Variants in PLXDC2 observed in about 807,000 individuals in gnomAD.
PLXDC2 encodes the protein plexin domain containing 2.
Under a neutral mutation model 68.9 loss-of-function variants are expected in PLXDC2, and 40 were observed. That is an observed-to-expected ratio of 0.58 (90% CI 0.45 to 0.76). The LOEUF is 0.76. Ranked by LOEUF, PLXDC2 falls within the 30% of genes least tolerant of loss-of-function variation. The pLI is 0.00. For missense variants in PLXDC2, 644 were observed against 661.9 expected, an observed-to-expected ratio of 0.97 and a Z score of 0.30; for synonymous variants, 243 against 234.2, an observed-to-expected ratio of 1.04 and a Z score of -0.34.
At chr10:20,203,785 C>T (rs61854642) in intron 9 of PLXDC2, among the ~76,000 whole-genome samples, 12,468 of 152,236 alleles carry the variant, frequency 0.082, 688 homozygotes, top group Middle Eastern at 0.15. Context: ...GCCACGTGTA[C>T]GGATGACTAC....
chr10:19,966,393 T>TAAAATATATATGTGCACATATATAA lies in PLXDC2; in HGVS notation c.113-35357_113-35333dup, dbSNP rs1554849275. 3.4e-3 allele frequency among the ~76,000 whole-genome samples: 221 copies of TAAAATATATATGTGCACATATATAA among 65,730 alleles called. 5 individuals carry two copies. Among genetic ancestry groups the TAAAATATATATGTGCACATATATAA allele is most frequent in the Middle Eastern group, 0.012 (1 of 82 alleles). 43.1% of individuals were successfully genotyped at this position (65,730 alleles called of 152,430 possible). The stretch of plus-strand genomic sequence containing the variant: ...TAAAAAATATATATGTGCACATATA[T>TAAAATATATATGTGCACATATATAA]AAAATATATATGTGCACATATATAA... On this transcript the variant is annotated intron_variant, in intron 1 of 13. Transcript: ENST00000377252.
intron 1 of PLXDC2, among the ~76,000 whole-genome samples, chr10:19,865,476 A>G (rs1326584417): frequency 1.3e-5 from 2 of 152,188 alleles, no homozygotes; most frequent in Non-Finnish European, 2.9e-5. Flanking sequence ...CATTACTGGT[A>G]TGAATGGATG....
chr10:19,824,908 C>T (rs1277747649), intron 1 of PLXDC2, among the ~76,000 whole-genome samples: 3 of 152,066 alleles, frequency 2.0e-5, no homozygotes, highest in Non-Finnish European at 4.4e-5. Context: ...TTGTCAGGGG[C>T]CTGTTTGGAA....
chr10:20,064,275 C>A (rs1333348753), intron 3 of PLXDC2, among the ~76,000 whole-genome samples: 1 of 149,864 alleles, frequency 6.7e-6, no homozygotes. Flanking sequence ...GGCTGGAGTG[C>A]AGTGGTGTGA....
intron 7 of PLXDC2, among the ~76,000 whole-genome samples, chr10:20,172,386 G>A (rs1589664546): frequency 6.6e-6 from 1 of 152,112 alleles, no homozygotes; most frequent in Admixed American, 6.6e-5. Flanking sequence ...CCGTGATATT[G>A]TCACAGGCCC....
chr10:19,929,776 C>T (rs1833596048), intron 1 of PLXDC2, among the ~76,000 whole-genome samples: 1 of 152,132 alleles, frequency 6.6e-6, no homozygotes, highest in African/African-American at 2.4e-5. Flanking sequence ...GTTGCATGTC[C>T]CAAGGTAAAG....
chr10:19,945,332 G>T (rs903994845), intron 1 of PLXDC2, among the ~76,000 whole-genome samples: 3 of 152,098 alleles, frequency 2.0e-5, no homozygotes, highest in African/African-American at 7.2e-5. Context: ...TTTAACAAGG[G>T]AGTCCCTTGA....
chr10:20,046,875 A>G lies in PLXDC2; in HGVS notation c.331A>G (p.Thr111Ala), dbSNP rs749590025. ...TTATTATCTATTATTGCAGGAGGAT[A>G]CAGACCACAATTACTATATATCTCG... Reference protein sequence around the residue: ...QDNNTQIEEDTDHNYYISRIY... With the variant: ...QDNNTQIEEDADHNYYISRIY... Residue 111 changes from threonine (T) to alanine (A), a missense_variant, in exon 3 of 14, where the codon ACA becomes GCA. Physicochemically the swap from Thr to Ala is moderately conservative, Grantham distance 58 (BLOSUM62 0). Transcript: ENST00000377252. 2.1e-5 allele frequency: 33 copies of G among 1,608,476 alleles called. No individual in the cohort carries two copies. The Admixed American group carries it at 4.2e-4, about 21-fold the overall frequency.
At chr10:20,046,444 G>C (rs1052676525) in intron 2 of PLXDC2, among the ~76,000 whole-genome samples, 4 of 151,954 alleles carry the variant, frequency 2.6e-5, no homozygotes, top group Non-Finnish European at 5.9e-5. Flanking sequence ...ATTTCTTTTA[G>C]TCACAAGGCA....
At chr10:20,064,224 CT>C (rs368874136) in intron 3 of PLXDC2, among the ~76,000 whole-genome samples, 19,842 of 138,488 alleles carry the variant, frequency 0.14, 1,295 homozygotes, top group South Asian at 0.29. Context: ...CATTTCTTTT[CT>C]TTTTTTTTTT....
intron 9 of PLXDC2, among the ~76,000 whole-genome samples, chr10:20,200,552 G>A (rs986230797): frequency 3.3e-5 from 5 of 151,486 alleles, no homozygotes; most frequent in East Asian, 1.9e-4. Context: ...TGCAACAAAC[G>A]AAAAAGCTTC....
In PLXDC2 at chr10:20,182,253, C is replaced by T. The variant is rs551179423; in HGVS notation, c.1061+4844C>T. Among the ~76,000 whole-genome samples the T allele has an allele frequency of 2.6e-5, 4 of 152,086 alleles. No individual in the cohort carries two copies. The South Asian group carries it at 8.3e-4, about 32-fold the overall frequency. Reference sequence around the variant, plus strand: ...TTCCTTTACAGCGAATTCCTCCTCACCTGGTACCACCACCTTATGTAGCAA... The same window carrying T: ...TTCCTTTACAGCGAATTCCTCCTCATCTGGTACCACCACCTTATGTAGCAA... On this transcript the variant is annotated intron_variant, in intron 9 of 13. Coordinates refer to ENST00000377252, the MANE Select transcript of PLXDC2 (RefSeq NM_032812.9).
At chr10:20,035,435 G>A (rs1309999716) in intron 2 of PLXDC2, among the ~76,000 whole-genome samples, 1 of 152,140 alleles carries the variant, frequency 6.6e-6, no homozygotes, top group Admixed American at 6.6e-5. Context: ...GGTGGCTCAT[G>A]CCTGTAATCC....
chr10:20,208,666 C>G (rs949667386), intron 9 of PLXDC2, among the ~76,000 whole-genome samples: 4 of 152,100 alleles, frequency 2.6e-5, no homozygotes, highest in African/African-American at 9.7e-5. Flanking sequence ...ATATAAGACC[C>G]TAGCTTTCAA....
At chr10:20,073,246 C>A (rs1366889663) in intron 4 of PLXDC2, among the ~76,000 whole-genome samples, 1 of 152,114 alleles carries the variant, frequency 6.6e-6, no homozygotes, top group Non-Finnish European at 1.5e-5. Flanking sequence ...AACCACAATC[C>A]TCTTCATCTT....
rs117723240 is a variant in PLXDC2 at position 20,094,428 on chromosome 10, G to A, written c.541+26189G>A. On this transcript the variant is annotated intron_variant, in intron 4 of 13. Coordinates refer to ENST00000377252, the MANE Select transcript of PLXDC2 (RefSeq NM_032812.9). Reference sequence around the variant, plus strand: ...CATATGGGTTTGATTTTCTGTCCAGGCTTAGACAAGAGATTCTATAGCATT... The same window carrying A: ...CATATGGGTTTGATTTTCTGTCCAGACTTAGACAAGAGATTCTATAGCATT... Among the ~76,000 whole-genome samples, 87 of 152,244 alleles carry A rather than the reference G, an allele frequency of 5.7e-4. No homozygotes were observed. In the East Asian group the frequency reaches 0.016, roughly 28 times the overall value.
chr10:20,067,906 C>T (rs984201908), intron 3 of PLXDC2, among the ~76,000 whole-genome samples: 1 of 152,124 alleles, frequency 6.6e-6, no homozygotes, highest in Non-Finnish European at 1.5e-5. Context: ...GAATAAGTTG[C>T]TCATCATCAA....
At chr10:19,957,799 G>A (rs1834095071) in intron 1 of PLXDC2, among the ~76,000 whole-genome samples, 2 of 152,102 alleles carry the variant, frequency 1.3e-5, no homozygotes, top group East Asian at 1.9e-4. Flanking sequence ...CTTCAAAGAA[G>A]TTGTACCAAT....
At chr10:20,058,673 C>T (rs1424587846) in intron 3 of PLXDC2, among the ~76,000 whole-genome samples, 1 of 152,114 alleles carries the variant, frequency 6.6e-6, no homozygotes, top group African/African-American at 2.4e-5. Context: ...AAGGAAGGAC[C>T]TTTCCATTAT....
Sources: gnomAD v4.1 joint callset for allele counts (sites outside exome capture counted in the v4.1 genomes callset) on GRCh38, gnomAD v4.1.1 for gene constraint, MANE v1.5 for transcripts, NCBI Gene and HGNC (gene_info 2026-07-23, HGNC 2026-07-21) for gene names.